The following GALNTL6 variants were observed in gnomAD, a reference collection of about 807,000 sequenced individuals.
GALNTL6 encodes the protein polypeptide N-acetylgalactosaminyltransferase like 6, also known as polypeptide N-acetylgalactosaminyltransferase-like 6.
A neutral mutation model predicts 73.7 loss-of-function variants in GALNTL6; 46 were observed. That is an observed-to-expected ratio of 0.62 (90% CI 0.49 to 0.80). GALNTL6 has a LOEUF of 0.80. Among genes scored for constraint, GALNTL6 ranks in the 30% least tolerant of loss-of-function variants. GALNTL6 has a pLI of 0.00. For missense variants in GALNTL6, 604 were observed against 755.0 expected (o/e 0.80, Z 2.34); for synonymous variants, 259 against 263.7 (o/e 0.98, Z 0.17).
At chr4:172,672,395 C>A (rs1380311054) in intron 5 of GALNTL6, among the ~76,000 whole-genome samples, 4 of 152,070 alleles carry the variant, frequency 2.6e-5, no homozygotes, top group Admixed American at 2.0e-4. Flanking sequence ...TGATAGATAA[C>A]CTGCTGGATT....
chr4:171,862,512 T>C (rs866897553), intron 2 of GALNTL6, among the ~76,000 whole-genome samples: 26 of 152,248 alleles, frequency 1.7e-4, no homozygotes, highest in Middle Eastern at 3.4e-3. Context: ...GAAAATATAT[T>C]GTAATTATCA....
intron 2 of GALNTL6, among the ~76,000 whole-genome samples, chr4:172,045,482 T>C (rs1742189339): frequency 1.3e-5 from 2 of 152,080 alleles, no homozygotes; most frequent in Admixed American, 6.6e-5. Context: ...TTCTGACATT[T>C]TGAGATTTTT....
chr4:172,282,909 T>TA (rs1739115177), intron 3 of GALNTL6, among the ~76,000 whole-genome samples: 1 of 152,194 alleles, frequency 6.6e-6, no homozygotes, highest in South Asian at 2.1e-4. Context: ...TGGTGCATGA[T>TA]ACGGTTTATT....
chr4:172,292,270 A>G (rs1000582567), intron 3 of GALNTL6, among the ~76,000 whole-genome samples: 1 of 152,050 alleles, frequency 6.6e-6, no homozygotes, highest in African/African-American at 2.4e-5. Context: ...GATAAATTAT[A>G]GCATAAAAAA....
At chr4:172,034,730 A>G (rs1741882702) in intron 2 of GALNTL6, among the ~76,000 whole-genome samples, 1 of 152,088 alleles carries the variant, frequency 6.6e-6, no homozygotes, top group Admixed American at 6.6e-5. Context: ...TTATGCAAAA[A>G]AGAGGGTAGT....
chr4:171,816,217 A>C (rs985305760), intron 2 of GALNTL6: 1 of 152,126 alleles, frequency 6.6e-6, no homozygotes, highest in Non-Finnish European at 1.5e-5. Context: ...GAAATTTGCT[A>C]ATTCAATTAA....
At chr4:172,012,698 T>G (rs980112187) in intron 2 of GALNTL6, among the ~76,000 whole-genome samples, 2 of 151,968 alleles carry the variant, frequency 1.3e-5, no homozygotes, top group Non-Finnish European at 2.9e-5. Flanking sequence ...ATGACTTTAC[T>G]CAGGTCATTT....
chr4:171,908,355 T>C (rs554839797), intron 2 of GALNTL6, among the ~76,000 whole-genome samples: 2,032 of 152,060 alleles, frequency 0.013, 40 homozygotes, highest in African/African-American at 0.046. Context: ...CAGACACTTC[T>C]CAAAAGAAGA....
chr4:172,874,645 T>A (rs746529306), intron 7 of GALNTL6, among the ~76,000 whole-genome samples: 4 of 152,076 alleles, frequency 2.6e-5, no homozygotes, highest in Non-Finnish European at 5.9e-5. Flanking sequence ...TCGTTAGGTG[T>A]GTGGTTGGCA....
At chr4:172,360,735 A>G (rs908156036) in intron 5 of GALNTL6, among the ~76,000 whole-genome samples, 4 of 152,144 alleles carry the variant, frequency 2.6e-5, no homozygotes, top group Non-Finnish European at 4.4e-5. Flanking sequence ...CCTACACCAC[A>G]ACTGTTTGTG....
Position 172,407,389 on chromosome 4 carries a change from T to A in GALNTL6, c.553+58700T>A, listed in dbSNP as rs1579044122. On this transcript the variant is annotated intron_variant, in intron 5 of 12. Coordinates refer to ENST00000506823, the MANE Select transcript of GALNTL6 (RefSeq NM_001034845.3). ...GCTGAACTAAGTGATAAAAAATTCATGAAGATGTAAAATTATTCAGGCATG... is the reference window on the plus strand; with the variant it reads ...GCTGAACTAAGTGATAAAAAATTCAAGAAGATGTAAAATTATTCAGGCATG... 3.9e-5 allele frequency among the ~76,000 whole-genome samples: 6 copies of A among 152,212 alleles called. 1 individual carries two copies. Among genetic ancestry groups the A allele is most frequent in the Admixed American group, 3.9e-4 (6 of 15,240 alleles).
chr4:172,153,304 C>T (rs896415827), intron 2 of GALNTL6, among the ~76,000 whole-genome samples: 1 of 152,152 alleles, frequency 6.6e-6, no homozygotes, highest in Admixed American at 6.5e-5. Context: ...GATATTGCAT[C>T]TCTGTGCTCA....
At chr4:173,015,291 GA>G (rs1752734566) in intron 11 of GALNTL6, among the ~76,000 whole-genome samples, 1 of 152,212 alleles carries the variant, frequency 6.6e-6, no homozygotes. Context: ...AAGGATACCT[GA>G]AAATGTGGCA....
intron 2 of GALNTL6, among the ~76,000 whole-genome samples, chr4:172,173,504 C>G (rs865800467): frequency 6.6e-6 from 1 of 152,194 alleles, no homozygotes; most frequent in African/African-American, 2.4e-5. Flanking sequence ...GCTGAGCAAC[C>G]TTCTGCGTGG....
At chr4:172,429,247 T>C (rs185379145) in intron 5 of GALNTL6, among the ~76,000 whole-genome samples, 1,644 of 141,020 alleles carry the variant, frequency 0.012, 31 homozygotes, top group African/African-American at 0.035. Flanking sequence ...AGTCTCGCAC[T>C]GTCTCCCAGG....
chr4:172,450,482 C>T (rs772898324), intron 5 of GALNTL6, among the ~76,000 whole-genome samples: 1 of 152,168 alleles, frequency 6.6e-6, no homozygotes, highest in Non-Finnish European at 1.5e-5. Context: ...AATTTAATTC[C>T]TTTCCTCTAT....
chr4:172,175,258 G>T (rs923954255), intron 2 of GALNTL6, among the ~76,000 whole-genome samples: 2 of 151,900 alleles, frequency 1.3e-5, no homozygotes, highest in Non-Finnish European at 2.9e-5. Flanking sequence ...TTTGTATGGG[G>T]TTTCACCATG....
chr4:172,980,090 G>A (rs189719020), intron 10 of GALNTL6, among the ~76,000 whole-genome samples: 153 of 152,286 alleles, frequency 1.0e-3, no homozygotes, highest in Non-Finnish European at 2.0e-3. Context: ...TTTACACAGA[G>A]GCCGTATTGA....
intron 5 of GALNTL6, among the ~76,000 whole-genome samples, chr4:172,523,284 A>G (rs906497016): frequency 6.6e-6 from 1 of 152,180 alleles, no homozygotes; most frequent in African/African-American, 2.4e-5. Flanking sequence ...TTTAAATGAC[A>G]CCACTCTGTC....
Sources: allele counts gnomAD v4.1 joint callset (sites outside exome capture counted in the v4.1 genomes callset), GRCh38; gene constraint gnomAD v4.1.1; transcripts MANE v1.5; gene names NCBI Gene and HGNC (gene_info 2026-07-23, HGNC 2026-07-21).